Variants in MYO5B observed in about 807,000 individuals in gnomAD.
The protein encoded by MYO5B is unconventional myosin-Vb.
Under a neutral mutation model 229.3 loss-of-function variants are expected in MYO5B, and 143 were observed. The ratio of observed to expected loss-of-function variants is 0.62; its 90% CI spans 0.54 to 0.72. MYO5B has a LOEUF of 0.72. Among genes scored for constraint, MYO5B ranks in the 30% least tolerant of loss-of-function variants. The pLI is 0.00. For synonymous variants in MYO5B, 918 were observed against 885.2 expected, an observed-to-expected ratio of 1.04 and a Z score of -0.66; for missense variants, 2,321 against 2,331.0, an observed-to-expected ratio of 1.00 and a Z score of 0.09.
chr18:49,962,812 G>A (rs890790791), intron 11 of MYO5B, 137 bp downstream of exon 11: 5 of 801,726 alleles, frequency 6.2e-6, no homozygotes, highest in Non-Finnish European at 1.1e-5. Context: ...GAAAGCTGGA[G>A]GTACCACCAG....
At chr18:49,928,292 A>G (rs546388156) in intron 17 of MYO5B, among the ~76,000 whole-genome samples, 2 of 152,364 alleles carry the variant, frequency 1.3e-5, no homozygotes, top group African/African-American at 4.8e-5. Flanking sequence ...GTGGGAATGT[A>G]AACTAGAACA....
intron 35 of MYO5B, chr18:49,839,787 G>C (rs2024034831): frequency 4.8e-6 from 1 of 209,700 alleles, no homozygotes; most frequent in Non-Finnish European, 9.8e-6. Flanking sequence ...TGATTTCATA[G>C]CTACCGCACT....
intron 18 of MYO5B, among the ~76,000 whole-genome samples, chr18:49,908,573 C>CA (rs1292778838): frequency 6.6e-6 from 1 of 152,184 alleles, no homozygotes; most frequent in Non-Finnish European, 1.5e-5. Flanking sequence ...CCTTTCGTGA[C>CA]ACTGTCTCCT....
chr18:50,170,553 A>G lies in MYO5B; in HGVS notation c.27+24214T>C, dbSNP rs1428660228. Among the ~76,000 whole-genome samples, 2 of 127,168 alleles carry G rather than the reference A, an allele frequency of 1.6e-5. 1 individual carries two copies. The highest frequency in any genetic ancestry group is 3.3e-5 in the Non-Finnish European group (2 of 59,772). The allele number at this position is 127,168 out of a possible 152,430, so 83.4% of individuals were successfully genotyped here. On this transcript the variant is annotated intron_variant, in intron 1 of 39. Transcript: ENST00000285039. Reference sequence around the variant, plus strand: ...GTTGGGCCAATATGCTTTCCTCTTTAAAGTTTCATTTTACCACTATTTTGC... The same window carrying G: ...GTTGGGCCAATATGCTTTCCTCTTTGAAGTTTCATTTTACCACTATTTTGC...
At chr18:49,979,107 C>T (rs1469458172) in intron 9 of MYO5B, among the ~76,000 whole-genome samples, 1 of 152,098 alleles carries the variant, frequency 6.6e-6, no homozygotes, top group Non-Finnish European at 1.5e-5. Context: ...ACTGGAGGTT[C>T]CTCCACCACC....
chr18:50,065,673 T>C (rs1247151034), intron 1 of MYO5B, among the ~76,000 whole-genome samples: 2 of 152,040 alleles, frequency 1.3e-5, no homozygotes, highest in South Asian at 2.1e-4. Flanking sequence ...CCAAACCATA[T>C]CACAGGGCCC....
intron 2 of MYO5B, among the ~76,000 whole-genome samples, chr18:50,040,680 C>G (rs1057387583): frequency 1.3e-5 from 2 of 152,294 alleles, no homozygotes; most frequent in South Asian, 4.1e-4. Context: ...ACTTCATACA[C>G]TCTCCCCCAT....
Position 49,864,273 on chromosome 18 carries a change from T to G in MYO5B, c.3711A>C (p.Pro1237=), listed in dbSNP as rs764211326. 2.5e-6 allele frequency: 4 copies of G among 1,614,196 alleles called. No individual in the cohort carries two copies. The South Asian group carries it at 4.4e-5, about 18-fold the overall frequency. ...ATQNNSSHGS[P]DSYSLLLNQL... ...GGTTCAGCAGGAGGCTGTAGCTATC[T>G]GGGGAGCCGTGGCTGGAGTTATTCT... Residue 1237 remains proline, a synonymous_variant, in exon 28 of 40, where the codon CCA becomes CCC. Coordinates refer to ENST00000285039, the MANE Select transcript of MYO5B (RefSeq NM_001080467.3).
At chr18:50,167,650 C>T (rs1293474962) in intron 1 of MYO5B, among the ~76,000 whole-genome samples, 4 of 152,190 alleles carry the variant, frequency 2.6e-5, no homozygotes, top group South Asian at 2.1e-4. Context: ...ACCCTGCTGG[C>T]TGTTTAGGAT....
At chr18:49,886,760 C>T (rs1181588316) in intron 22 of MYO5B, among the ~76,000 whole-genome samples, 2 of 152,032 alleles carry the variant, frequency 1.3e-5, no homozygotes, top group African/African-American at 2.4e-5. Flanking sequence ...GAAGAAGCAC[C>T]GACCGAGAGT....
At chr18:49,921,269 T>G (rs1332138631) in intron 17 of MYO5B, among the ~76,000 whole-genome samples, 3 of 150,422 alleles carry the variant, frequency 2.0e-5, no homozygotes, top group Non-Finnish European at 3.0e-5. Flanking sequence ...TTTTTTTTTT[T>G]TTTTTTTTTA....
chr18:49,880,116 C>T (rs1373399389), intron 23 of MYO5B, among the ~76,000 whole-genome samples: 1 of 152,186 alleles, frequency 6.6e-6, no homozygotes, highest in African/African-American at 2.4e-5. Flanking sequence ...CAGAATCATG[C>T]TTCAAGTGCG....
intron 16 of MYO5B, 77 bp downstream of exon 16, chr18:49,936,175 G>A: frequency 7.7e-7 from 1 of 1,293,012 alleles, no homozygotes; most frequent in Non-Finnish European, 1.1e-6. Context: ...CAGACCCCCA[G>A]GCAAGGCCTG....
chr18:50,049,612 T>A (rs1487057279), intron 2 of MYO5B, among the ~76,000 whole-genome samples: 1 of 152,152 alleles, frequency 6.6e-6, no homozygotes, highest in Non-Finnish European at 1.5e-5. Flanking sequence ...GCTGGATAGT[T>A]CTCTGTTGTG....
intron 27 of MYO5B, 103 bp from the exon 28 acceptor site, chr18:49,864,483 G>C: frequency 2.0e-6 from 3 of 1,514,040 alleles, no homozygotes; most frequent in Non-Finnish European, 2.7e-6. Context: ...GGGAAACTTC[G>C]CTCTTTAAAC....
chr18:50,130,365 A>G (rs1048073633), intron 1 of MYO5B, among the ~76,000 whole-genome samples: 10 of 152,202 alleles, frequency 6.6e-5, no homozygotes, highest in Non-Finnish European at 2.9e-5. Context: ...TGCCCTGTAG[A>G]ATTTGACGAA....
At chr18:49,831,492 A>G (rs1016464455) in intron 39 of MYO5B, among the ~76,000 whole-genome samples, 1 of 152,242 alleles carries the variant, frequency 6.6e-6, no homozygotes, top group Non-Finnish European at 1.5e-5. Flanking sequence ...AGATATATAC[A>G]TGGCCAATAG....
chr18:50,145,414 G>C (rs1200035850), intron 1 of MYO5B, among the ~76,000 whole-genome samples: 3 of 144,724 alleles, frequency 2.1e-5, no homozygotes, highest in Non-Finnish European at 4.5e-5. Context: ...GTGAACCCGG[G>C]AGGCAGAGCT....
intron 4 of MYO5B, among the ~76,000 whole-genome samples, chr18:50,002,503 G>A (rs905671402): frequency 2.0e-5 from 3 of 152,186 alleles, no homozygotes; most frequent in Admixed American, 6.5e-5. Flanking sequence ...GGAGGGCCAC[G>A]CTGGTGCCAA....
Sources: gnomAD v4.1 joint callset for allele counts (sites outside exome capture counted in the v4.1 genomes callset) on GRCh38, gnomAD v4.1.1 for gene constraint, MANE v1.5 for transcripts, NCBI Gene and HGNC (gene_info 2026-07-23, HGNC 2026-07-21) for gene names.